The following SETD3 variants were observed in gnomAD, a reference collection of about 807,000 sequenced individuals.
SETD3 encodes SET domain containing 3, actin N3(tau)-histidine methyltransferase, also known as actin-histidine N-methyltransferase.
SETD3 carries 19 observed loss-of-function variants against 63.0 expected under a neutral mutation model. The ratio of observed to expected loss-of-function variants is 0.30; its 90% confidence interval spans 0.21 to 0.44. The LOEUF is 0.44. Ranked by LOEUF, SETD3 falls within the 20% of genes least tolerant of loss-of-function variation. The probability of loss-of-function intolerance (pLI) is 1.00; values close to 1 mark genes in which losing one functional copy is unlikely to be tolerated. For synonymous variants in SETD3, 286 were observed against 264.1 expected (o/e 1.08, Z -0.80); for missense variants, 587 against 728.5 (o/e 0.81, Z 2.24).
In SETD3 at chr14:99,465,790, G is replaced by T. The variant is rs1445087637; in HGVS notation, c.16C>A (p.Arg6=). 1 of 1,613,540 alleles carries T rather than the reference G, an allele frequency of 6.2e-7. No individual in the cohort carries two copies. Among genetic ancestry groups the T allele is most frequent in the South Asian group, 1.1e-5 (1 of 91,032 alleles). ...GTGCCAGATTTCTGAGTTTTTACTC[G>T]ACTCTTCTTACCCATTTTTCTGACT... MGKKS[R]VKTQKSGTGA... is the part of the protein sequence containing the mutation. Residue 6 remains arginine, a synonymous_variant, in exon 2 of 13, where the codon CGA becomes AGA. Transcript: ENST00000331768.
At chr14:99,483,651 A>AGGACATAG (rs1164216588), upstream of SETD3, among the ~76,000 whole-genome samples, 1 of 152,278 alleles carries the variant, frequency 6.6e-6, no homozygotes, top group Non-Finnish European at 1.5e-5. Context: ...AAGTTTATTT[A>AGGACATAG]GGACATAGTC....
rs144120818 is a variant in SETD3 at position 99,397,844 on chromosome 14, C to T, written c.*835G>A. ...AAAACCAGGAAAGCCAAGGAGCTGC[C>T]TCACACTGCACACCACCACGTGAAG... On this transcript the variant is annotated 3_prime_UTR_variant, in exon 13 of 13. Coordinates refer to ENST00000331768, the MANE Select transcript of SETD3 (RefSeq NM_032233.3). 1.3e-5 allele frequency: 2 copies of T among 152,664 alleles called. No individual in the cohort carries two copies. The highest frequency in any genetic ancestry group is 2.9e-5 in the Non-Finnish European group (2 of 68,034). The allele number at this position is 152,664 out of a possible 1,614,324, so 9.5% of individuals were successfully genotyped here.
rs763948380 is a variant in SETD3 at position 99,399,086 on chromosome 14, G to C, written c.1378C>G (p.Arg460Gly). ...SVLKNHDLSV[R>G]AKMAIKLRLG... ...CGCAATTTGATGGCCATTTTTGCAC[G>C]AACAGAAAGATCGTGGTTTTTCAAG... The change falls in exon 13 of 13, where the codon CGT becomes GGT. Residue 460 changes from arginine (R) to glycine (G), a missense_variant. By Grantham distance (125) the Arg-to-Gly change is moderately radical (BLOSUM62 -2). Coordinates refer to ENST00000331768, the MANE Select transcript of SETD3 (RefSeq NM_032233.3). The C allele has an allele frequency of 4.3e-6, 7 of 1,613,944 alleles. No homozygotes were observed. The highest frequency in any genetic ancestry group is 1.6e-4 in the Middle Eastern group (1 of 6,062).
intron 1 of SETD3, among the ~76,000 whole-genome samples, chr14:99,478,201 A>G (rs542362597): frequency 2.0e-5 from 3 of 152,342 alleles, no homozygotes; most frequent in East Asian, 1.9e-4. Flanking sequence ...CCAAAGTAAC[A>G]TAAGAATAAA....
chr14:99,407,705 C>T (rs538951425), intron 8 of SETD3, among the ~76,000 whole-genome samples: 19 of 152,270 alleles, frequency 1.2e-4, no homozygotes, highest in African/African-American at 4.1e-4. Context: ...GGCCTGGCTT[C>T]TCAGGGAAGC....
intron 6 of SETD3, among the ~76,000 whole-genome samples, chr14:99,415,603 A>G (rs1892249356): frequency 6.7e-6 from 1 of 149,224 alleles, no homozygotes; most frequent in African/African-American, 2.5e-5. Flanking sequence ...TCATTTAGGG[A>G]AAAAAAAAAC....
chr14:99,429,150 C>T (rs1367367527), intron 6 of SETD3, among the ~76,000 whole-genome samples: 2 of 152,172 alleles, frequency 1.3e-5, no homozygotes, highest in Non-Finnish European at 2.9e-5. Flanking sequence ...TCCCTGGGTG[C>T]TGCCTGTGCC....
chr14:99,427,779 G>C (rs1332001781), intron 6 of SETD3, among the ~76,000 whole-genome samples: 1 of 152,220 alleles, frequency 6.6e-6, no homozygotes, highest in Non-Finnish European at 1.5e-5. Flanking sequence ...TTGGAGCAGG[G>C]AGCCCAGACA....
At chr14:99,482,188 C>T (rs1248161647), upstream of SETD3, among the ~76,000 whole-genome samples, 2 of 152,200 alleles carry the variant, frequency 1.3e-5, no homozygotes, top group East Asian at 1.9e-4. Context: ...TTCGCTAAGT[C>T]ATCTGAGGTT....
At chr14:99,454,151 C>A (rs371194573) in intron 6 of SETD3, among the ~76,000 whole-genome samples, 2 of 151,928 alleles carry the variant, frequency 1.3e-5, no homozygotes, top group South Asian at 2.1e-4. Flanking sequence ...TTTAAAAACA[C>A]AAGTCCAAAA....
At chr14:99,452,846 G>A (rs944921845) in intron 6 of SETD3, among the ~76,000 whole-genome samples, 1 of 151,434 alleles carries the variant, frequency 6.6e-6, no homozygotes, top group Admixed American at 6.6e-5. Flanking sequence ...CAGGCAGATC[G>A]CGGGGGGAGA....
intron 6 of SETD3, among the ~76,000 whole-genome samples, chr14:99,441,560 G>A (rs1286342243): frequency 1.3e-5 from 2 of 152,264 alleles, no homozygotes; most frequent in Non-Finnish European, 2.9e-5. Flanking sequence ...TAGCACAGAT[G>A]TCAGGGGGTC....
chr14:99,485,142 T>C (rs1236644964), upstream of SETD3, among the ~76,000 whole-genome samples: 1 of 152,266 alleles, frequency 6.6e-6, no homozygotes, highest in Non-Finnish European at 1.5e-5. Flanking sequence ...TTTATGTCCA[T>C]AATATTTTCA....
chr14:99,454,855 C>A (rs1894667925), intron 6 of SETD3, among the ~76,000 whole-genome samples: 1 of 152,222 alleles, frequency 6.6e-6, no homozygotes, highest in Admixed American at 6.5e-5. Context: ...GGGAGCTTCA[C>A]CCCACCATTT....
chr14:99,402,157 G>A (rs1891422025), intron 11 of SETD3, among the ~76,000 whole-genome samples: 1 of 152,180 alleles, frequency 6.6e-6, no homozygotes, highest in Non-Finnish European at 1.5e-5. Flanking sequence ...AAGGTCTTCA[G>A]TCATACCCCT....
chr14:99,472,232 A>G (rs1225109718), intron 1 of SETD3, among the ~76,000 whole-genome samples: 4 of 152,244 alleles, frequency 2.6e-5, no homozygotes, highest in Non-Finnish European at 5.9e-5. Context: ...AAAACACATA[A>G]GTAACTAAAC....
intron 6 of SETD3, among the ~76,000 whole-genome samples, chr14:99,428,502 T>G (rs1312988814): frequency 6.6e-6 from 1 of 152,006 alleles, no homozygotes; most frequent in East Asian, 1.9e-4. Context: ...AAACATTAGC[T>G]AGGTGTGGTG....
At chr14:99,455,597 A>G (rs1022837030) in intron 6 of SETD3, among the ~76,000 whole-genome samples, 4 of 152,232 alleles carry the variant, frequency 2.6e-5, no homozygotes, top group Non-Finnish European at 5.9e-5. Context: ...GAAGACATTC[A>G]TGAGAAAATG....
chr14:99,406,453 A>G, intron 9 of SETD3, 63 bp downstream of exon 9: 4 of 1,414,976 alleles, frequency 2.8e-6, no homozygotes, highest in Non-Finnish European at 4.0e-6. Context: ...AAGATTACCA[A>G]CACGGTGTTA....
Sources: gnomAD v4.1 joint callset for allele counts (sites outside exome capture counted in the v4.1 genomes callset) on GRCh38, gnomAD v4.1.1 for gene constraint, MANE v1.5 for transcripts, NCBI Gene and HGNC (gene_info 2026-07-23, HGNC 2026-07-21) for gene names.